GRM5: variants seen among roughly 807,000 people sequenced by gnomAD.
The protein encoded by GRM5 is metabotropic glutamate receptor 5.
GRM5 carries 19 observed loss-of-function variants against 83.1 expected under a neutral mutation model. That is an observed-to-expected ratio of 0.23 (90% CI 0.16 to 0.34). GRM5 has a LOEUF of 0.34. GRM5 is among the 10% of genes least tolerant of loss of function. The pLI is 1.00. For missense variants in GRM5, 1,160 were observed against 1,588.3 expected, an observed-to-expected ratio of 0.73 and a Z score of 4.58; for synonymous variants, 675 against 633.6, an observed-to-expected ratio of 1.07 and a Z score of -0.98.
chr11:89,041,560 C>G (rs1386853543), intron 2 of GRM5, among the ~76,000 whole-genome samples: 1 of 152,192 alleles, frequency 6.6e-6, no homozygotes, highest in Non-Finnish European at 1.5e-5. Context: ...CTATATTTTT[C>G]TCTGAAAGAG....
At chr11:88,820,955 A>T (rs1228118059) in intron 3 of GRM5, among the ~76,000 whole-genome samples, 3 of 152,240 alleles carry the variant, frequency 2.0e-5, no homozygotes, top group Non-Finnish European at 4.4e-5. Flanking sequence ...ATAGCCTCAT[A>T]CAAGGAAAGA....
chr11:88,755,665 A>AT (rs1942381078), intron 3 of GRM5, among the ~76,000 whole-genome samples: 1 of 152,040 alleles, frequency 6.6e-6, no homozygotes, highest in Non-Finnish European at 1.5e-5. Flanking sequence ...GACACAGCAA[A>AT]TTTTTTCTAT....
rs959923816 is a variant in GRM5, at chr11:88,989,961, C to G, written c.661+57251G>C. 1.2e-3 allele frequency among the ~76,000 whole-genome samples: 180 copies of G among 151,530 alleles called. 1 individual carries two copies. Among genetic ancestry groups the G allele is most frequent in the African/African-American group, 4.3e-3 (176 of 41,232 alleles). On this transcript the variant is annotated intron_variant, in intron 2 of 9. Transcript: ENST00000305447. ...ATCACAATTAAAAGAACTAGAAAAG[C>G]AAGAGCAAACACATTCAAAAGCTAG...
intron 2 of GRM5, among the ~76,000 whole-genome samples, chr11:89,008,173 T>G (rs1235624349): frequency 6.6e-6 from 1 of 152,138 alleles, no homozygotes; most frequent in Non-Finnish European, 1.5e-5. Flanking sequence ...GGACCAAAAT[T>G]TCTTCTTTGA....
intron 2 of GRM5, among the ~76,000 whole-genome samples, chr11:89,039,284 T>A (rs1030965549): frequency 7.4e-5 from 11 of 148,060 alleles, no homozygotes; most frequent in Admixed American, 2.7e-4. Flanking sequence ...AAAAAATATA[T>A]ATATATATAT....
At chr11:88,664,062 T>C (rs1009954051) in intron 3 of GRM5, among the ~76,000 whole-genome samples, 10 of 152,188 alleles carry the variant, frequency 6.6e-5, no homozygotes, top group Non-Finnish European at 2.9e-5. Context: ...ACAAGTAACA[T>C]TGTACTTGCT....
intron 2 of GRM5, among the ~76,000 whole-genome samples, chr11:89,035,170 C>T (rs988257560): frequency 1.3e-5 from 2 of 151,530 alleles, no homozygotes; most frequent in African/African-American, 4.8e-5. Context: ...TCATGTATTT[C>T]CTGTTTTATG....
chr11:89,058,406 C>T (rs568784858), intron 1 of GRM5, among the ~76,000 whole-genome samples: 40 of 152,220 alleles, frequency 2.6e-4, no homozygotes, highest in Admixed American at 1.3e-3. Flanking sequence ...TAAACAAATA[C>T]GTCCTCAGAT....
intron 2 of GRM5, among the ~76,000 whole-genome samples, chr11:89,023,837 G>A (rs1347902932): frequency 1.3e-5 from 2 of 149,402 alleles, no homozygotes; most frequent in African/African-American, 5.0e-5. Context: ...GCAACAGAGT[G>A]AGACTTCATC....
intron 1 of GRM5, among the ~76,000 whole-genome samples, chr11:89,061,425 C>T (rs920633322): frequency 6.6e-6 from 1 of 152,000 alleles, no homozygotes; most frequent in Non-Finnish European, 1.5e-5. Context: ...AGTAAGACTC[C>T]TATAAAATAT....
At position 88,653,339 on chromosome 11, in the gene GRM5, T is replaced by C; in HGVS notation, c.976A>G (p.Thr326Ala). ...ACATCGGGAGATTGGAGCTTGATTG[T>C]GATGCCACCAACAGCTTCTCGCTGA... The part of the protein sequence containing the change: ...GYQREAVGGI[T>A]IKLQSPDVKW... The change falls in exon 4 of 10, where the codon ACA (threonine) becomes GCA (alanine). Residue 326 changes from threonine to alanine, a missense_variant. Physicochemically the swap from Thr to Ala is moderately conservative, Grantham distance 58 (BLOSUM62 0). Around this residue, in one of 9 missense-constraint regions of GRM5, gnomAD observed 84 missense variants for 231.0 expected, o/e 0.36. Transcript: ENST00000305447. The C allele has an allele frequency of 6.2e-7, 1 of 1,613,130 alleles. No homozygotes were observed. The highest frequency in any genetic ancestry group is 8.5e-7 in the Non-Finnish European group (1 of 1,179,374).
At chr11:88,946,966 C>T (rs796598983) in intron 2 of GRM5, among the ~76,000 whole-genome samples, 1 of 152,022 alleles carries the variant, frequency 6.6e-6, no homozygotes, top group African/African-American at 2.4e-5. Flanking sequence ...AGAATGTTTA[C>T]CTATGGGGAA....
At chr11:88,768,612 A>T (rs1215405351) in intron 3 of GRM5, among the ~76,000 whole-genome samples, 1 of 130,528 alleles carries the variant, frequency 7.7e-6, no homozygotes, top group Non-Finnish European at 1.7e-5. Flanking sequence ...ATATGTATGA[A>T]CCACCTATAA....
At chr11:88,594,400 T>C (rs187222904) in intron 6 of GRM5, among the ~76,000 whole-genome samples, 1 of 152,316 alleles carries the variant, frequency 6.6e-6, no homozygotes, top group East Asian at 1.9e-4. Context: ...ACAGTCTCTA[T>C]TGCAACTCAG....
intron 3 of GRM5, among the ~76,000 whole-genome samples, chr11:88,846,672 A>G (rs1944308113): frequency 6.6e-6 from 1 of 152,028 alleles, no homozygotes; most frequent in South Asian, 2.1e-4. Flanking sequence ...GGCTCTAAAT[A>G]TAGCCTTTTT....
At chr11:88,850,734 G>A (rs1230685017) in intron 2 of GRM5, among the ~76,000 whole-genome samples, 7 of 151,718 alleles carry the variant, frequency 4.6e-5, no homozygotes, top group East Asian at 1.9e-4. Context: ...TAGTCTTGTC[G>A]CAGGTGAATG....
chr11:89,019,740 C>T (rs1323595469), intron 2 of GRM5, among the ~76,000 whole-genome samples: 1 of 152,066 alleles, frequency 6.6e-6, no homozygotes, highest in Non-Finnish European at 1.5e-5. Context: ...CCTTTTATCT[C>T]CAATACTTCC....
intron 3 of GRM5, among the ~76,000 whole-genome samples, chr11:88,671,721 T>A (rs1160988303): frequency 6.6e-6 from 1 of 152,030 alleles, no homozygotes; most frequent in East Asian, 1.9e-4. Context: ...AAGAAGGCAA[T>A]AACCCAGAAT....
intron 2 of GRM5, among the ~76,000 whole-genome samples, chr11:88,869,899 T>C (rs1468286105): frequency 2.0e-5 from 3 of 151,696 alleles, no homozygotes; most frequent in East Asian, 3.9e-4. Context: ...GCCCCTACTA[T>C]ATCCCTGTTT....
Sources: allele counts gnomAD v4.1 joint callset (sites outside exome capture counted in the v4.1 genomes callset), GRCh38; gene constraint gnomAD v4.1.1; regional missense constraint gnomAD v4.1.1; transcripts MANE v1.5; gene names NCBI Gene and HGNC (gene_info 2026-07-23, HGNC 2026-07-21).